Variants in SGCD observed in about 807,000 individuals in gnomAD.
SGCD encodes the protein sarcoglycan delta.
Under a neutral mutation model 36.6 loss-of-function variants are expected in SGCD, and 18 were observed. That is an observed-to-expected ratio of 0.49 (90% CI 0.34 to 0.73). SGCD has a LOEUF of 0.73. Among genes scored for constraint, SGCD ranks in the 30% least tolerant of loss-of-function variants. The pLI is 0.01. For synonymous variants in SGCD, 133 were observed against 130.6 expected (o/e 1.02, Z -0.12); for missense variants, 387 against 346.7 (o/e 1.12, Z -0.92).
intron 3 of SGCD, among the ~76,000 whole-genome samples, chr5:156,137,106 G>A (rs937618701): frequency 1.3e-5 from 2 of 152,144 alleles, no homozygotes; most frequent in Admixed American, 1.3e-4. Context: ...TTACCCCCAG[G>A]ACAAAACGAG....
chr5:156,239,484 TA>T (rs1165853075), intron 3 of SGCD, among the ~76,000 whole-genome samples: 5 of 151,964 alleles, frequency 3.3e-5, no homozygotes, highest in African/African-American at 7.3e-5. Context: ...AAATACTTTT[TA>T]AAAAAATCTA....
rs572910647 is a variant in SGCD at position 156,396,999 on chromosome 5, C to T, written c.192+52322C>T. ...CGACTGGGGCATAAAAAGGGCTTTA[C>T]AGATATTTTGGTCTGAGACTTTTAA... is the stretch of plus-strand genomic sequence containing the variant. On this transcript the variant is annotated intron_variant, in intron 3 of 8. Transcript: ENST00000337851. 2.4e-4 allele frequency among the ~76,000 whole-genome samples: 37 copies of T among 152,320 alleles called. No homozygotes were observed. The South Asian group carries it at 7.0e-3, about 29-fold the overall frequency.
At chr5:156,635,156 T>G (rs958891095) in intron 6 of SGCD, among the ~76,000 whole-genome samples, 6 of 152,084 alleles carry the variant, frequency 3.9e-5, no homozygotes, top group African/African-American at 1.4e-4. Flanking sequence ...TTCCAGAATT[T>G]GAGGCTGCAG....
intron 3 of SGCD, among the ~76,000 whole-genome samples, chr5:156,175,060 T>C (rs573185901): frequency 4.6e-5 from 7 of 152,204 alleles, no homozygotes; most frequent in African/African-American, 1.7e-4. Flanking sequence ...TGAGGAGATA[T>C]ATTACATGAA....
At chr5:155,856,163 T>C in the SGCD span, among the ~76,000 whole-genome samples, 1 of 151,744 alleles carries the variant, frequency 6.6e-6, no homozygotes, top group Admixed American at 6.6e-5. Flanking sequence ...AACACACACA[T>C]ACATACATAT....
chr5:156,626,304 C>T (rs1762440303), intron 6 of SGCD, among the ~76,000 whole-genome samples: 2 of 152,188 alleles, frequency 1.3e-5, no homozygotes, highest in Admixed American at 6.5e-5. Context: ...TTTGAGGTTG[C>T]AGATTACATT....
At chr5:156,142,162 C>A (rs1307029349) in intron 3 of SGCD, among the ~76,000 whole-genome samples, 1 of 152,174 alleles carries the variant, frequency 6.6e-6, no homozygotes, top group Non-Finnish European at 1.5e-5. Flanking sequence ...CTGCCTTCCT[C>A]CTGCTCTGGT....
chr5:156,544,164 G>A (rs1373034157), intron 4 of SGCD, among the ~76,000 whole-genome samples: 2 of 152,154 alleles, frequency 1.3e-5, no homozygotes, highest in African/African-American at 2.4e-5. Flanking sequence ...GCATATCAAA[G>A]ATAGGCAAAA....
chr5:155,962,985 C>A (rs911748562), intron 1 of SGCD, among the ~76,000 whole-genome samples: 1 of 152,114 alleles, frequency 6.6e-6, no homozygotes, highest in Non-Finnish European at 1.5e-5. Flanking sequence ...AAAAGAAAAT[C>A]TGACTCCATT....
chr5:156,141,778 AT>A (rs1044305486), intron 3 of SGCD, among the ~76,000 whole-genome samples: 9 of 152,204 alleles, frequency 5.9e-5, no homozygotes, highest in Non-Finnish European at 8.8e-5. Flanking sequence ...ATTGTCTTCA[AT>A]TTTCAAAACT....
intron 3 of SGCD, among the ~76,000 whole-genome samples, chr5:156,492,704 T>C (rs1434043670): frequency 6.6e-6 from 1 of 152,252 alleles, no homozygotes; most frequent in African/African-American, 2.4e-5. Flanking sequence ...CCTAACGCTA[T>C]ATCTATCCTA....
At chr5:156,186,558 T>C (rs919253781) in intron 3 of SGCD, among the ~76,000 whole-genome samples, 9 of 152,210 alleles carry the variant, frequency 5.9e-5, no homozygotes, top group Non-Finnish European at 7.4e-5. Flanking sequence ...AAATAGGTGA[T>C]TGTATTGCTC....
intron 3 of SGCD, among the ~76,000 whole-genome samples, chr5:156,172,711 G>A (rs11954107): frequency 0.044 from 6,628 of 152,108 alleles, 327 homozygotes; most frequent in African/African-American, 0.12. Context: ...CTTTTTTTCT[G>A]TGAATAATCC....
chr5:156,748,180 G>A (rs1258846726), intron 7 of SGCD, among the ~76,000 whole-genome samples: 1 of 152,186 alleles, frequency 6.6e-6, no homozygotes. Context: ...ATTTATCTGT[G>A]GTGCTAGAAA....
At chr5:155,899,472 T>C (rs1490170064) in intron 1 of SGCD, among the ~76,000 whole-genome samples, 23 of 152,220 alleles carry the variant, frequency 1.5e-4, no homozygotes, top group Admixed American at 1.5e-3. Context: ...AGCAGAAGCA[T>C]CAGCTGTAAC....
intron 3 of SGCD, among the ~76,000 whole-genome samples, chr5:156,310,060 A>G (rs1767351219): frequency 6.6e-6 from 1 of 151,970 alleles, no homozygotes; most frequent in Non-Finnish European, 1.5e-5. Context: ...CTATTTTTGT[A>G]CCCAGAATTA....
At chr5:156,297,669 G>A (rs772256033) in intron 3 of SGCD, among the ~76,000 whole-genome samples, 1 of 150,974 alleles carries the variant, frequency 6.6e-6, no homozygotes. Context: ...GGATAGCATC[G>A]GGAGATATAC....
intron 3 of SGCD, among the ~76,000 whole-genome samples, chr5:156,282,543 G>A (rs1013677435): frequency 1.3e-5 from 2 of 152,170 alleles, no homozygotes; most frequent in African/African-American, 4.8e-5. Context: ...AATGAAAATT[G>A]TAAAGCATTT....
intron 7 of SGCD, among the ~76,000 whole-genome samples, chr5:156,655,074 C>A (rs1263594959): frequency 6.6e-6 from 1 of 151,720 alleles, no homozygotes; most frequent in Non-Finnish European, 1.5e-5. Flanking sequence ...GGTTTTTTTT[C>A]TTTAATATTC....
Sources: gnomAD v4.1 joint callset for allele counts (sites outside exome capture counted in the v4.1 genomes callset) on GRCh38, gnomAD v4.1.1 for gene constraint, MANE v1.5 for transcripts, NCBI Gene and HGNC (gene_info 2026-07-23, HGNC 2026-07-21) for gene names.